GSDME: variants seen among roughly 807,000 people sequenced by gnomAD.
The protein encoded by GSDME is gasdermin-E.
Under a neutral mutation model 47.5 loss-of-function variants are expected in GSDME, and 44 were observed. That is an observed-to-expected ratio of 0.93 (90% CI 0.73 to 1.19). The LOEUF (loss-of-function observed/expected upper bound fraction) is 1.19, where lower values mean the gene tolerates loss of function less well. GSDME is among the 50% of genes most tolerant of loss of function. The pLI, the probability that GSDME is intolerant of heterozygous loss-of-function variation, is 0.00. For missense variants in GSDME, 663 were observed against 604.2 expected (o/e 1.10, Z -1.02); for synonymous variants, 258 against 252.8 (o/e 1.02, Z -0.20).
intron 3 of GSDME, among the ~76,000 whole-genome samples, chr7:24,722,130 A>G (rs1360714739): frequency 1.3e-5 from 2 of 152,242 alleles, no homozygotes; most frequent in African/African-American, 4.8e-5. Context: ...TGTTGACTGC[A>G]TATCTCAGGG....
At chr7:24,768,921 G>A in the GSDME span, among the ~76,000 whole-genome samples, 1 of 152,238 alleles carries the variant, frequency 6.6e-6, no homozygotes, top group Admixed American at 6.5e-5. This position sits in a 1 kb window ranked among gnomAD's most constrained non-coding sequence, Gnocchi z 5.6. Context: ...CCCCTGGTAT[G>A]TGCTTGGCAC....
At position 24,712,747 on chromosome 7, in the gene GSDME, G is replaced by A. The variant is rs1413350247; in HGVS notation, c.698-2359C>T. 2.0e-5 allele frequency among the ~76,000 whole-genome samples: 3 copies of A among 152,196 alleles called. No homozygotes were observed. Among genetic ancestry groups the A allele is most frequent in the African/African-American group, 7.2e-5 (3 of 41,450 alleles). ...CAGATTAACAAGAGAGGCCAGGCAC[G>A]GTGGCTCACACCTATAATCCTAACA... On this transcript the variant is annotated intron_variant, in intron 5 of 9. Coordinates refer to ENST00000645220, the MANE Select transcript of GSDME (RefSeq NM_001127453.2). The surrounding 1 kb of genome is among the most constrained non-coding windows in gnomAD (Gnocchi z 4.4).
At chr7:24,773,149 G>A in the GSDME span, among the ~76,000 whole-genome samples, 5 of 152,144 alleles carry the variant, frequency 3.3e-5, no homozygotes, top group Non-Finnish European at 5.9e-5. The surrounding 1 kb of genome is among the most constrained non-coding windows in gnomAD (Gnocchi z 5.4). Flanking sequence ...CTGGAAACTC[G>A]TCAGTGACAA....
At chr7:24,771,268 C>T in the GSDME span, among the ~76,000 whole-genome samples, 912 of 152,256 alleles carry the variant, frequency 6.0e-3, 10 homozygotes, top group African/African-American at 0.02. The surrounding 1 kb of genome is among the most constrained non-coding windows in gnomAD (Gnocchi z 4.1). Context: ...AAAGCCTCCC[C>T]GGAAAGGAGA....
chr7:24,700,666 G>A (rs774941775), intron 9 of GSDME, among the ~76,000 whole-genome samples: 8 of 152,008 alleles, frequency 5.3e-5, no homozygotes, highest in South Asian at 2.1e-4. Flanking sequence ...TTGTAGATTC[G>A]CCAAATACAA....
chr7:24,749,812 C>T lies in GSDME; in HGVS notation c.-19-19G>A. The T allele has an allele frequency of 6.5e-7, 1 of 1,531,936 alleles. No individual in the cohort carries two copies. The highest frequency in any genetic ancestry group is 9.0e-7 in the Non-Finnish European group (1 of 1,108,222). 94.9% of individuals were successfully genotyped at this position (1,531,936 alleles called of 1,614,324 possible). A position where few individuals can be genotyped will look rare whatever the true frequency, so the allele number is the denominator to read the frequency against. Reference sequence around the variant, plus strand: ...AGATTATCTGAAAAAGTAAAGTTATCCTAAAATCAAATAAGAAGTTACTAT... The same window carrying T: ...AGATTATCTGAAAAAGTAAAGTTATTCTAAAATCAAATAAGAAGTTACTAT... On this transcript the variant is annotated intron_variant, in intron 1 of 9. Coordinates refer to ENST00000645220, the MANE Select transcript of GSDME (RefSeq NM_001127453.2).
At chr7:24,723,058 T>C (rs1025989553) in intron 3 of GSDME, among the ~76,000 whole-genome samples, 3 of 152,206 alleles carry the variant, frequency 2.0e-5, no homozygotes, top group African/African-American at 7.2e-5. Flanking sequence ...TGCCGGAAAC[T>C]GCAGGCATCA....
At chr7:24,747,895 T>C (rs1210026540) in intron 2 of GSDME, among the ~76,000 whole-genome samples, 1 of 152,046 alleles carries the variant, frequency 6.6e-6, no homozygotes, top group East Asian at 1.9e-4. Context: ...CTCAAACTCC[T>C]GGGCTCAAGC....
the GSDME span, among the ~76,000 whole-genome samples, chr7:24,780,594 G>T: frequency 2.0e-5 from 3 of 152,146 alleles, no homozygotes; most frequent in Non-Finnish European, 4.4e-5. This position sits in a 1 kb window ranked among gnomAD's most constrained non-coding sequence, Gnocchi z 4.1. Context: ...TGCCCATTCA[G>T]AGCAACTTGA....
the GSDME span, among the ~76,000 whole-genome samples, chr7:24,764,612 C>A: frequency 6.6e-6 from 1 of 152,166 alleles, no homozygotes; most frequent in African/African-American, 2.4e-5. The surrounding 1 kb of genome is among the most constrained non-coding windows in gnomAD (Gnocchi z 4.4). Flanking sequence ...CCAAACCAAG[C>A]AAATCCCAGT....
chr7:24,705,951 A>G lies in GSDME; in HGVS notation c.1183+233T>C. 1.7e-6 allele frequency: 1 copy of G among 586,336 alleles called. No homozygotes were observed. The allele number at this position is 586,336 out of a possible 1,614,324, so 36.3% of individuals were successfully genotyped here. A position where few individuals can be genotyped will look rare whatever the true frequency, so the allele number is the denominator to read the frequency against. On this transcript the variant is annotated intron_variant, in intron 8 of 9. Transcript: ENST00000645220. The surrounding 1 kb of genome is among the most constrained non-coding windows in gnomAD (Gnocchi z 4.1). ...GGCCTTCCCTGGGGGAGGAGGGAGA[A>G]GGGCCCTCCGGGAGAGTAGGGAGGC... is the stretch of plus-strand genomic sequence containing the variant.
At chr7:24,755,397 C>A (rs747676387) in intron 1 of GSDME, among the ~76,000 whole-genome samples, 1 of 152,136 alleles carries the variant, frequency 6.6e-6, no homozygotes, top group African/African-American at 2.4e-5. Context: ...TCATTTTTGA[C>A]GAGATTTACG....
the GSDME span, among the ~76,000 whole-genome samples, chr7:24,780,139 C>T: frequency 0.01 from 1,554 of 152,358 alleles, 20 homozygotes; most frequent in African/African-American, 0.032. This position sits in a 1 kb window ranked among gnomAD's most constrained non-coding sequence, Gnocchi z 4.1. Flanking sequence ...CCTGGCAGGA[C>T]GTCCGAGAAG....
At chr7:24,711,579 G>A (rs982682540) in intron 5 of GSDME, among the ~76,000 whole-genome samples, 6 of 151,970 alleles carry the variant, frequency 3.9e-5, no homozygotes, top group East Asian at 2.0e-4. Context: ...CCAACACTTC[G>A]GGAGGCTGAG....
At position 24,699,279 on chromosome 7, in the gene GSDME, C is replaced by G. The variant is rs1464185917; in HGVS notation, c.1258-20G>C. On this transcript the variant is annotated intron_variant, in intron 9 of 9. Transcript: ENST00000645220. ...ACGAAGCTGAAATGACACATTTAAA[C>G]AAATTCACTTTTAAAATGTCCTAAA... 1.9e-6 allele frequency: 3 copies of G among 1,541,698 alleles called. No homozygotes were observed. Among genetic ancestry groups the G allele is most frequent in the Non-Finnish European group, 1.8e-6 (2 of 1,114,442 alleles).
At position 24,736,438 on chromosome 7, in the gene GSDME, A is replaced by G. The variant is rs1584092567; in HGVS notation, c.404+8124T>C. Among the ~76,000 whole-genome samples, 2 of 152,358 alleles carry G rather than the reference A, an allele frequency of 1.3e-5. No individual in the cohort carries two copies. The highest frequency in any genetic ancestry group is 3.9e-4 in the East Asian group (2 of 5,194). On this transcript the variant is annotated intron_variant, in intron 3 of 9. Transcript: ENST00000645220. This position sits in a 1 kb window ranked among gnomAD's most constrained non-coding sequence, Gnocchi z 4.6. ...AAGAAGAGACAAAGAAGGTTACTAT[A>G]TAATGATAAAGGGGTCAATTCAGCA...
intron 8 of GSDME, chr7:24,704,732 T>G (rs1350329826): frequency 6.6e-6 from 1 of 152,154 alleles, no homozygotes; most frequent in Admixed American, 6.5e-5. Context: ...GATTTTTTTT[T>G]TTTTCCAAGC....
the GSDME span, among the ~76,000 whole-genome samples, chr7:24,785,964 A>G: frequency 3.3e-5 from 5 of 152,240 alleles, no homozygotes; most frequent in Non-Finnish European, 7.3e-5. Flanking sequence ...TTAGGATTAA[A>G]AAGAAAAGAA....
chr7:24,729,076 A>G (rs1047938911), intron 3 of GSDME, among the ~76,000 whole-genome samples: 2 of 152,250 alleles, frequency 1.3e-5, no homozygotes, highest in African/African-American at 4.8e-5. Context: ...GGAAAGAGAA[A>G]GGAAAAAATG....
Sources: allele counts gnomAD v4.1 joint callset (sites outside exome capture counted in the v4.1 genomes callset), GRCh38; gene constraint gnomAD v4.1.1; non-coding constraint Gnocchi (gnomAD v3.1); transcripts MANE v1.5; gene names NCBI Gene and HGNC (gene_info 2026-07-23, HGNC 2026-07-21).